Variants in PRH1 observed in about 807,000 individuals in gnomAD.
The protein encoded by PRH1 is proline rich protein HaeIII subfamily 1, also known as salivary acidic proline-rich phosphoprotein 1/2.
A neutral mutation model predicts 7.9 loss-of-function variants in PRH1; 7 were observed. The ratio of observed to expected loss-of-function variants is 0.89; its 90% CI spans 0.50 to 1.67. The LOEUF is 1.67. Among genes scored for constraint, PRH1 ranks in the 40% most tolerant of loss-of-function variants. PRH1 has a pLI of 0.00. For synonymous variants in PRH1, 45 were observed against 80.8 expected (o/e 0.56, Z 2.38); for missense variants, 109 against 223.6 (o/e 0.49, Z 3.27).
In PRH1 at chr12:10,974,318, A is replaced by G. The variant is rs531788181; in HGVS notation, c.-125-597T>C. Among the ~76,000 whole-genome samples the G allele has an allele frequency of 9.7e-4, 147 of 152,294 alleles. 2 individuals carry two copies. The highest frequency in any genetic ancestry group is 7.5e-4 in the Non-Finnish European group (51 of 68,022). ...CTGCCACACTACTGATGCTGCTGGC[A>G]TGTGTGAACAAGGATGAGCCACAAT... On this transcript the variant is annotated intron_variant, in intron 1 of 3. Coordinates refer to the PRH1 transcript ENST00000539853.
chr12:10,965,541 T>C (rs1202220779), intron 2 of PRH1, among the ~76,000 whole-genome samples: 1 of 152,254 alleles, frequency 6.6e-6, no homozygotes, highest in African/African-American at 2.4e-5. Flanking sequence ...AGTTCAATAA[T>C]GTATTTATGG....
intron 1 of PRH1, among the ~76,000 whole-genome samples, chr12:11,038,436 A>G (rs145004787): frequency 3.5e-4 from 53 of 152,398 alleles, no homozygotes; most frequent in Non-Finnish European, 6.5e-4. Flanking sequence ...ACAGAGTTTT[A>G]TCACCAATGT....
chr12:11,021,865 A>T, intron 1 of PRH1: 1 of 1,614,266 alleles, frequency 6.2e-7, no homozygotes, highest in Non-Finnish European at 8.5e-7. Flanking sequence ...GGCAAATAAC[A>T]TGAGGAAGGA....
At chr12:11,087,225 C>A (rs1236634963) in intron 1 of PRH1, among the ~76,000 whole-genome samples, 1 of 116,262 alleles carries the variant, frequency 8.6e-6, no homozygotes, top group African/African-American at 2.9e-5. Context: ...CCTCAGCTTC[C>A]CAAGTATTTG....
At chr12:10,990,397 A>G (rs1591776263) in intron 1 of PRH1, among the ~76,000 whole-genome samples, 2 of 152,252 alleles carry the variant, frequency 1.3e-5, no homozygotes, top group Non-Finnish European at 2.9e-5. Flanking sequence ...CATTCCGAGA[A>G]GAAGGGACAC....
At chr12:11,133,262 A>C in intron 1 of PRH1, 1 of 1,572,496 alleles carries the variant, frequency 6.4e-7, no homozygotes, top group Non-Finnish European at 8.6e-7. Context: ...AAAATGTTTC[A>C]TACACCACCA....
chr12:11,141,329 C>T (rs1468451668), intron 1 of PRH1, among the ~76,000 whole-genome samples: 2 of 152,208 alleles, frequency 1.3e-5, no homozygotes, highest in East Asian at 1.9e-4. Context: ...TTGAAAAACA[C>T]GTTTTCCATT....
At chr12:10,906,174 A>G (rs1269600074) in intron 2 of PRH1, among the ~76,000 whole-genome samples, 1 of 152,236 alleles carries the variant, frequency 6.6e-6, no homozygotes, top group Non-Finnish European at 1.5e-5. Flanking sequence ...ACAGGTTACT[A>G]AAAATGCATG....
chr12:10,895,635 C>T (rs1949633806), intron 2 of PRH1: 1 of 152,148 alleles, frequency 6.6e-6, no homozygotes, highest in Non-Finnish European at 1.5e-5. Context: ...TCAAAACTTA[C>T]TGCAAGATTC....
chr12:11,052,124 T>TA (rs1332059295), upstream of PRH1, among the ~76,000 whole-genome samples: 8 of 152,406 alleles, frequency 5.2e-5, no homozygotes, highest in Non-Finnish European at 1.2e-4. Context: ...TATTTGCATA[T>TA]ATCTTATCAA....
intron 1 of PRH1, among the ~76,000 whole-genome samples, chr12:11,170,221 T>TCACTGTG (rs1262836149): frequency 1.3e-5 from 2 of 152,244 alleles, no homozygotes; most frequent in East Asian, 3.8e-4. Flanking sequence ...TATTAGAGAT[T>TCACTGTG]CACTGTGCTG....
At chr12:11,131,450 T>G (rs183882128) in intron 1 of PRH1, among the ~76,000 whole-genome samples, 33 of 152,072 alleles carry the variant, frequency 2.2e-4, no homozygotes, top group African/African-American at 7.9e-4. Context: ...ATATCAGGTA[T>G]TACGTTAAAA....
intron 1 of PRH1, among the ~76,000 whole-genome samples, chr12:11,053,209 C>CA (rs1565597774): frequency 1.3e-5 from 1 of 77,802 alleles, no homozygotes; most frequent in African/African-American, 3.6e-5. Context: ...ACAGATACAT[C>CA]ATTGTATTCC....
At chr12:11,022,287 G>C (rs1471497932) in intron 1 of PRH1, 1 of 1,614,182 alleles carries the variant, frequency 6.2e-7, no homozygotes. Flanking sequence ...CAAGCCACAT[G>C]CTGAAATGGT....
In PRH1 at chr12:10,960,483, C is replaced by A. The variant is rs867366599; in HGVS notation, c.-59+13172G>T. ...ACTGAGCAGAACGTGGTTTCTGGTA[C>A]TTTGTATGTGGCTTTTGATTTGGCG... On this transcript the variant is annotated intron_variant, in intron 2 of 3. Coordinates refer to the PRH1 transcript ENST00000539853. 5.3e-5 allele frequency among the ~76,000 whole-genome samples: 8 copies of A among 152,294 alleles called. No individual in the cohort carries two copies. In the East Asian group the frequency reaches 1.5e-3, roughly 29 times the overall value.
At chr12:10,934,090 A>C (rs1950251618) in intron 2 of PRH1, among the ~76,000 whole-genome samples, 1 of 152,176 alleles carries the variant, frequency 6.6e-6, no homozygotes, top group Admixed American at 6.5e-5. Flanking sequence ...TAATAAGAAA[A>C]TGATTATTCA....
At chr12:11,051,558 T>C (rs115108004), upstream of PRH1, among the ~76,000 whole-genome samples, 1,124 of 151,856 alleles carry the variant, frequency 7.4e-3, 19 homozygotes, top group African/African-American at 0.026. Context: ...GCTAACAGCC[T>C]AGGTTTACCT....
At chr12:10,914,723 G>A (rs1431809115) in intron 2 of PRH1, among the ~76,000 whole-genome samples, 1 of 152,154 alleles carries the variant, frequency 6.6e-6, no homozygotes, top group Non-Finnish European at 1.5e-5. Flanking sequence ...TACTTTGCAA[G>A]CAGGAAAAAA....
At chr12:10,990,104 T>C (rs770287392) in intron 1 of PRH1, among the ~76,000 whole-genome samples, 1 of 152,168 alleles carries the variant, frequency 6.6e-6, no homozygotes, top group East Asian at 1.9e-4. Context: ...CAAAACAGCA[T>C]GGTACTGGCA....
Sources: allele counts gnomAD v4.1 joint callset (sites outside exome capture counted in the v4.1 genomes callset), GRCh38; gene constraint gnomAD v4.1.1; transcripts MANE v1.5; gene names NCBI Gene and HGNC (gene_info 2026-07-23, HGNC 2026-07-21).